Variants in GALNTL6 observed in about 807,000 individuals in gnomAD.
The protein encoded by GALNTL6 is polypeptide N-acetylgalactosaminyltransferase-like 6.
Under a neutral mutation model 73.7 loss-of-function variants are expected in GALNTL6, and 46 were observed. The observed-to-expected ratio is 0.62, with a 90% CI of 0.49 to 0.80. The LOEUF (loss-of-function observed/expected upper bound fraction) is 0.80, where lower values mean the gene tolerates loss of function less well. GALNTL6 is among the 30% of genes least tolerant of loss of function. The pLI is 0.00. For synonymous variants in GALNTL6, 259 were observed against 263.7 expected, an observed-to-expected ratio of 0.98 and a Z score of 0.17; for missense variants, 604 against 755.0, an observed-to-expected ratio of 0.80 and a Z score of 2.34.
chr4:172,811,486 A>C (rs1370222843), intron 6 of GALNTL6, among the ~76,000 whole-genome samples: 1 of 152,186 alleles, frequency 6.6e-6, no homozygotes, highest in Non-Finnish European at 1.5e-5. Flanking sequence ...ATGAGAGAAA[A>C]AATATTCTGG....
intron 3 of GALNTL6, among the ~76,000 whole-genome samples, chr4:172,273,657 G>C (rs1738733286): frequency 6.6e-6 from 1 of 152,140 alleles, no homozygotes; most frequent in African/African-American, 2.4e-5. Context: ...GTTGCAGCAG[G>C]GAGGATAAAG....
intron 10 of GALNTL6, among the ~76,000 whole-genome samples, chr4:172,988,234 T>C (rs1458287246): frequency 1.3e-5 from 2 of 152,124 alleles, no homozygotes; most frequent in Admixed American, 6.5e-5. Flanking sequence ...ATGAGGAACT[T>C]ATTGGGAACT....
At chr4:171,960,688 T>TAAAA (rs201299722) in intron 2 of GALNTL6, among the ~76,000 whole-genome samples, 1,918 of 129,268 alleles carry the variant, frequency 0.015, 56 homozygotes, top group African/African-American at 0.046. Context: ...TGTCTTTATT[T>TAAAA]AAAAAAAAAA....
chr4:171,957,194 T>A (rs920291117), intron 2 of GALNTL6, among the ~76,000 whole-genome samples: 2 of 152,334 alleles, frequency 1.3e-5, no homozygotes, highest in South Asian at 4.1e-4. Context: ...GATTTATGGC[T>A]TAGTGTAGTG....
chr4:172,842,227 A>G (rs1743251275), intron 7 of GALNTL6, among the ~76,000 whole-genome samples: 1 of 152,236 alleles, frequency 6.6e-6, no homozygotes, highest in Non-Finnish European at 1.5e-5. Flanking sequence ...AAAATGGCTT[A>G]AAGAATTTAC....
chr4:172,013,319 A>G (rs896565399), intron 2 of GALNTL6, among the ~76,000 whole-genome samples: 9 of 152,006 alleles, frequency 5.9e-5, no homozygotes, highest in African/African-American at 2.2e-4. Flanking sequence ...GCAACTACCC[A>G]TCTCTTTCCT....
chr4:172,214,750 T>C (rs1736443006), intron 2 of GALNTL6, among the ~76,000 whole-genome samples: 1 of 152,022 alleles, frequency 6.6e-6, no homozygotes, highest in Non-Finnish European at 1.5e-5. Context: ...CCTGACCTCA[T>C]GATCGGCCTG....
At chr4:171,826,388 C>A (rs1445858812) in intron 2 of GALNTL6, among the ~76,000 whole-genome samples, 1 of 152,146 alleles carries the variant, frequency 6.6e-6, no homozygotes, top group Non-Finnish European at 1.5e-5. Context: ...AACCTCTATC[C>A]AGACTATGAA....
Position 172,260,740 on chromosome 4 carries a change from T to A in GALNTL6, c.247+30976T>A, listed in dbSNP as rs181856414. Among the ~76,000 whole-genome samples the A allele has an allele frequency of 1.7e-3, 263 of 151,770 alleles. 4 individuals carry two copies. The highest frequency in any genetic ancestry group is 4.4e-4 in the Non-Finnish European group (30 of 67,656). Reference sequence around the variant, plus strand: ...ATTCAGTATAATGTTGGCCATGGGTTTGTCTTAGATGGCTTTTATTACCTT... The same window carrying A: ...ATTCAGTATAATGTTGGCCATGGGTATGTCTTAGATGGCTTTTATTACCTT... On this transcript the variant is annotated intron_variant, in intron 3 of 12. Transcript: ENST00000506823.
At chr4:172,355,315 T>TTA (rs1337471808) in intron 5 of GALNTL6, among the ~76,000 whole-genome samples, 5 of 152,108 alleles carry the variant, frequency 3.3e-5, no homozygotes, top group Non-Finnish European at 7.4e-5. Context: ...GTAGCTAGCT[T>TTA]TAACAAAAAA....
At chr4:172,879,897 T>G (rs1161460858) in intron 7 of GALNTL6, among the ~76,000 whole-genome samples, 1 of 151,708 alleles carries the variant, frequency 6.6e-6, no homozygotes, top group East Asian at 1.9e-4. Context: ...AAAAGAGAAA[T>G]GATACAAACA....
At chr4:172,350,805 G>A (rs903264497) in intron 5 of GALNTL6, among the ~76,000 whole-genome samples, 2 of 151,964 alleles carry the variant, frequency 1.3e-5, no homozygotes, top group African/African-American at 4.8e-5. Context: ...TGAGAGTATT[G>A]GTTGATGTAC....
intron 5 of GALNTL6, among the ~76,000 whole-genome samples, chr4:172,500,889 A>G (rs1027976349): frequency 1.3e-5 from 2 of 152,208 alleles, no homozygotes; most frequent in Non-Finnish European, 2.9e-5. Context: ...ATAGTTAATT[A>G]TAGTGTTAAC....
At chr4:172,061,873 T>C (rs1024400061) in intron 2 of GALNTL6, among the ~76,000 whole-genome samples, 3 of 152,034 alleles carry the variant, frequency 2.0e-5, no homozygotes, top group Admixed American at 2.0e-4. Context: ...TACGCCAACA[T>C]TGCACTGTAA....
intron 2 of GALNTL6, among the ~76,000 whole-genome samples, chr4:171,873,251 A>G (rs1269953949): frequency 6.6e-6 from 1 of 152,196 alleles, no homozygotes; most frequent in Non-Finnish European, 1.5e-5. Context: ...GAACCAATCC[A>G]TTAGAGTAAA....
chr4:171,992,315 A>G (rs1197777700), intron 2 of GALNTL6, among the ~76,000 whole-genome samples: 1 of 151,992 alleles, frequency 6.6e-6, no homozygotes, highest in Non-Finnish European at 1.5e-5. Context: ...TTTACTAGGA[A>G]TGAATGAAGA....
intron 3 of GALNTL6, among the ~76,000 whole-genome samples, chr4:172,305,523 G>A (rs1370779136): frequency 1.3e-5 from 2 of 152,070 alleles, no homozygotes; most frequent in Non-Finnish European, 2.9e-5. Flanking sequence ...TGAAATAGAT[G>A]TAGCAATAGA....
chr4:172,196,819 A>G (rs1735786820), intron 2 of GALNTL6, among the ~76,000 whole-genome samples: 1 of 152,194 alleles, frequency 6.6e-6, no homozygotes. Flanking sequence ...CATTTATGAC[A>G]AAACCACAGC....
intron 5 of GALNTL6, among the ~76,000 whole-genome samples, chr4:172,444,203 T>C (rs1240816692): frequency 6.6e-6 from 1 of 152,236 alleles, no homozygotes; most frequent in Non-Finnish European, 1.5e-5. Context: ...ATTGACTGTT[T>C]AGGTTATGAC....
Sources: gnomAD v4.1 joint callset for allele counts (sites outside exome capture counted in the v4.1 genomes callset) on GRCh38, gnomAD v4.1.1 for gene constraint, MANE v1.5 for transcripts, NCBI Gene and HGNC (gene_info 2026-07-23, HGNC 2026-07-21) for gene names.